DTWD2: variants seen among roughly 807,000 people sequenced by gnomAD.
DTWD2 encodes the protein DTW motif tRNA-uridine aminocarboxypropyltransferase 2.
In DTWD2, 39 loss-of-function variants were observed where a neutral mutation model predicts 31.8. The ratio of observed to expected loss-of-function variants is 1.22; its 90% confidence interval spans 0.95 to 1.60. DTWD2 has a LOEUF of 1.60. Ranked by LOEUF, DTWD2 falls within the 40% of genes most tolerant of loss-of-function variation. The probability of loss-of-function intolerance (pLI) is 0.00; values close to 1 mark genes in which losing one functional copy is unlikely to be tolerated. For missense variants in DTWD2, 515 were observed against 381.5 expected (o/e 1.35, Z -2.92); for synonymous variants, 180 against 142.8 (o/e 1.26, Z -1.86).
chr5:118,849,531 T>C (rs1020395751), intron 4 of DTWD2, among the ~76,000 whole-genome samples: 4 of 152,230 alleles, frequency 2.6e-5, no homozygotes, highest in Admixed American at 1.3e-4. Context: ...ACTGGGTATA[T>C]ACCCAAAGGA....
At chr5:118,944,808 A>C (rs1346426671) in intron 1 of DTWD2, among the ~76,000 whole-genome samples, 159 bp from the exon 2 acceptor site, 1 of 152,240 alleles carries the variant, frequency 6.6e-6, no homozygotes, top group Non-Finnish European at 1.5e-5. Context: ...AATCAATCAG[A>C]CTTTAGACAT....
intron 4 of DTWD2, among the ~76,000 whole-genome samples, chr5:118,892,342 T>C (rs1250639560): frequency 6.6e-6 from 1 of 152,128 alleles, no homozygotes; most frequent in African/African-American, 2.4e-5. Context: ...ACAAACACAT[T>C]GACAAAATTG....
chr5:118,971,225 A>G (rs1754980008), intron 1 of DTWD2, among the ~76,000 whole-genome samples: 1 of 152,192 alleles, frequency 6.6e-6, no homozygotes, highest in African/African-American at 2.4e-5. Context: ...TCTGTATGCT[A>G]TCTTCAAGAG....
chr5:118,921,267 C>A (rs1235634915), intron 4 of DTWD2, among the ~76,000 whole-genome samples: 2 of 151,964 alleles, frequency 1.3e-5, no homozygotes, highest in African/African-American at 4.8e-5. Flanking sequence ...AAGTAAATCC[C>A]TTGAGAGGCT....
At chr5:118,915,317 G>C (rs112781114) in intron 4 of DTWD2, among the ~76,000 whole-genome samples, 1 of 151,658 alleles carries the variant, frequency 6.6e-6, no homozygotes, top group Non-Finnish European at 1.5e-5. Flanking sequence ...TAAAAATAAG[G>C]ATTCCCACTA....
At position 118,988,348 on chromosome 5, in the gene DTWD2, A is replaced by G. The variant is rs760403508; in HGVS notation, c.164T>C (p.Leu55Pro). ...GGCCGGCTCCACCGGCAGCTCCCACAGCCCGTCCGCACTGTCGTCGTCCGC... is the reference window on the plus strand; with the variant it reads ...GGCCGGCTCCACCGGCAGCTCCCACGGCCCGTCCGCACTGTCGTCGTCCGC... ...AEADDDSADG[L>P]WELPVEPAER... The change falls in exon 1 of 6, where the codon CTG (leucine) becomes CCG (proline). Residue 55 changes from leucine (L) to proline (P), a missense_variant. Physicochemically the swap from Leu to Pro is moderately conservative, Grantham distance 98 (BLOSUM62 -3). Coordinates refer to ENST00000510708, the MANE Select transcript of DTWD2 (RefSeq NM_173666.4). 4 of 1,559,228 alleles carry G rather than the reference A, an allele frequency of 2.6e-6. No individual in the cohort carries two copies. Among genetic ancestry groups the G allele is most frequent in the Middle Eastern group, 2.2e-4 (1 of 4,590 alleles).
At chr5:118,977,900 C>T (rs1413908217) in intron 1 of DTWD2, among the ~76,000 whole-genome samples, 1 of 152,040 alleles carries the variant, frequency 6.6e-6, no homozygotes, top group African/African-American at 2.4e-5. Context: ...AAGAGGAAAA[C>T]TGGAGAGGCA....
chr5:118,859,237 G>C (rs1362699880), intron 4 of DTWD2, among the ~76,000 whole-genome samples: 1 of 151,374 alleles, frequency 6.6e-6, no homozygotes, highest in Admixed American at 6.6e-5. Flanking sequence ...CAAGTACCTG[G>C]TAACACTGAA....
intron 4 of DTWD2, among the ~76,000 whole-genome samples, chr5:118,869,867 G>A (rs74844472): frequency 6.6e-6 from 1 of 152,104 alleles, no homozygotes; most frequent in African/African-American, 2.4e-5. Context: ...TTGGAGGTGG[G>A]GGCCTTGTAA....
intron 4 of DTWD2, among the ~76,000 whole-genome samples, chr5:118,898,742 C>T (rs1753139871): frequency 6.6e-6 from 1 of 150,890 alleles, no homozygotes; most frequent in African/African-American, 2.4e-5. Flanking sequence ...CGAAAATCTA[C>T]AGTATGGTAC....
chr5:118,931,151 G>C (rs890480260), intron 3 of DTWD2, among the ~76,000 whole-genome samples: 2 of 152,012 alleles, frequency 1.3e-5, no homozygotes, highest in Non-Finnish European at 2.9e-5. Context: ...CCAGCACTTT[G>C]GGAGTCCAAG....
chr5:118,895,562 T>G (rs928530821), intron 4 of DTWD2, among the ~76,000 whole-genome samples: 1 of 152,206 alleles, frequency 6.6e-6, no homozygotes, highest in Non-Finnish European at 1.5e-5. Context: ...AAAGCAATTT[T>G]GAGCAAGAAC....
chr5:118,919,566 T>C (rs763073825), intron 4 of DTWD2, among the ~76,000 whole-genome samples: 3 of 152,314 alleles, frequency 2.0e-5, no homozygotes, highest in Non-Finnish European at 2.9e-5. Context: ...ATCATGAGTG[T>C]GCAGAAACAT....
chr5:118,884,933 T>C (rs1458310106), intron 4 of DTWD2, among the ~76,000 whole-genome samples: 2 of 147,908 alleles, frequency 1.4e-5, no homozygotes, highest in African/African-American at 5.1e-5. Context: ...GAGGCGGAGC[T>C]TGCAGTGAGC....
At chr5:118,984,012 C>A (rs1226176424) in intron 1 of DTWD2, among the ~76,000 whole-genome samples, 1 of 152,136 alleles carries the variant, frequency 6.6e-6, no homozygotes, top group South Asian at 2.1e-4. Context: ...CTAGGCTGGG[C>A]GCAGTGGCTC....
chr5:118,987,902 T>C (rs1200994997), intron 1 of DTWD2, among the ~76,000 whole-genome samples: 1 of 152,192 alleles, frequency 6.6e-6, no homozygotes, highest in Non-Finnish European at 1.5e-5. Flanking sequence ...AAGGAGACTG[T>C]CTCTCTCCTC....
chr5:118,924,582 T>C (rs1196159303), intron 4 of DTWD2, among the ~76,000 whole-genome samples: 1 of 152,232 alleles, frequency 6.6e-6, no homozygotes, highest in Non-Finnish European at 1.5e-5. Context: ...GGTTACTAAT[T>C]AACTAAATCT....
chr5:118,981,725 T>C (rs1318120012), intron 1 of DTWD2, among the ~76,000 whole-genome samples: 3 of 152,038 alleles, frequency 2.0e-5, no homozygotes, highest in African/African-American at 7.2e-5. Context: ...AAGCCAGCAA[T>C]AGAAATGAGA....
intron 4 of DTWD2, among the ~76,000 whole-genome samples, chr5:118,861,765 G>A (rs1212827368): frequency 2.0e-5 from 3 of 151,888 alleles, no homozygotes; most frequent in African/African-American, 7.3e-5. Flanking sequence ...GAACATAAAC[G>A]CAAATAAATA....
Sources: gnomAD v4.1 joint callset for allele counts (sites outside exome capture counted in the v4.1 genomes callset) on GRCh38, gnomAD v4.1.1 for gene constraint, MANE v1.5 for transcripts, NCBI Gene and HGNC (gene_info 2026-07-23, HGNC 2026-07-21) for gene names.